PIERCE1: variants seen among roughly 807,000 people sequenced by gnomAD.
PIERCE1 encodes the protein piercer of microtubule wall 1 protein.
the PIERCE1 span, chr9:135,495,493 G>A: frequency 6.2e-7 from 1 of 1,614,124 alleles, no homozygotes; most frequent in Non-Finnish European, 8.5e-7. Context: ...CACAGGAGGT[G>A]ATGCAGTTAT....
At chr9:135,495,272 C>T in the PIERCE1 span, 6 of 675,696 alleles carry the variant, frequency 8.9e-6, no homozygotes, top group East Asian at 2.7e-5. Context: ...TTCACGGCCC[C>T]GTTTGCATAT....
the PIERCE1 span, chr9:135,495,602 G>A: frequency 6.2e-7 from 1 of 1,613,358 alleles, no homozygotes; most frequent in East Asian, 2.2e-5. Flanking sequence ...ATTCGAATTT[G>A]GATAAAATAC....
chr9:135,496,043 G>C, the PIERCE1 span, among the ~76,000 whole-genome samples: 1 of 152,232 alleles, frequency 6.6e-6, no homozygotes, highest in African/African-American at 2.4e-5. Context: ...GGCTGGGTGC[G>C]GTGGCTCACG....
the PIERCE1 span, among the ~76,000 whole-genome samples, chr9:135,497,779 C>G: frequency 6.6e-6 from 1 of 152,180 alleles, no homozygotes; most frequent in Non-Finnish European, 1.5e-5. Context: ...TCAGGGTCGT[C>G]TGATTACGGG....
the PIERCE1 span, chr9:135,495,200 T>A: frequency 8.0e-5 from 39 of 484,970 alleles, no homozygotes; most frequent in Non-Finnish European, 1.1e-4. Context: ...GACAACGTTT[T>A]TAATGCAAAG....
chr9:135,498,984 A>G, the PIERCE1 span: 3 of 340,770 alleles, frequency 8.8e-6, no homozygotes. The surrounding 1 kb of genome is among the most constrained non-coding windows in gnomAD (Gnocchi z 4.1). Context: ...TTTCTGGGTA[A>G]CCTAGCTTGT....
the PIERCE1 span, chr9:135,498,847 C>T: frequency 1.7e-6 from 1 of 604,500 alleles, no homozygotes; most frequent in Non-Finnish European, 3.0e-6. The surrounding 1 kb of genome is among the most constrained non-coding windows in gnomAD (Gnocchi z 4.1). Context: ...TTCTGAATGG[C>T]CCGGCCTCCC....
At chr9:135,496,794 A>ATT in the PIERCE1 span, among the ~76,000 whole-genome samples, 56,432 of 122,530 alleles carry the variant, frequency 0.46, 13,366 homozygotes, top group East Asian at 0.5. Flanking sequence ...CCTTCAGTGC[A>ATT]TTTTTTTTTT....
chr9:135,496,182 T>C, the PIERCE1 span, among the ~76,000 whole-genome samples: 1 of 152,142 alleles, frequency 6.6e-6, no homozygotes, highest in African/African-American at 2.4e-5. Flanking sequence ...CCAGGTGTGG[T>C]GGCGGGCGCA....
chr9:135,499,468 C>G, the PIERCE1 span: 1 of 706,456 alleles, frequency 1.4e-6, no homozygotes, highest in Admixed American at 2.0e-5. Flanking sequence ...GGAGCTGAGA[C>G]CACAACTGGG....
the PIERCE1 span, chr9:135,498,553 G>T: frequency 6.2e-7 from 1 of 1,603,450 alleles, no homozygotes; most frequent in Non-Finnish European, 8.5e-7. This position sits in a 1 kb window ranked among gnomAD's most constrained non-coding sequence, Gnocchi z 4.1. Context: ...CCCACCCCCT[G>T]CCCCCCATGC....
chr9:135,499,612 T>C, the PIERCE1 span: 1 of 1,472,488 alleles, frequency 6.8e-7, no homozygotes, highest in South Asian at 1.2e-5. Flanking sequence ...ATCTTCTTGA[T>C]TTCTGTAGCT....
the PIERCE1 span, chr9:135,499,658 G>C: frequency 1.9e-6 from 3 of 1,594,404 alleles, no homozygotes; most frequent in African/African-American, 2.7e-5. Context: ...TCTCACACAC[G>C]GGGCTATCGA....
the PIERCE1 span, among the ~76,000 whole-genome samples, chr9:135,496,676 G>A: frequency 5.3e-5 from 8 of 152,094 alleles, no homozygotes; most frequent in African/African-American, 1.2e-4. Flanking sequence ...CACTTTTTAC[G>A]GTGGAGCCAG....
At chr9:135,497,308 C>T in the PIERCE1 span, among the ~76,000 whole-genome samples, 10 of 152,198 alleles carry the variant, frequency 6.6e-5, no homozygotes, top group South Asian at 6.2e-4. Flanking sequence ...CCTGAAGGCT[C>T]CTACCATTTA....
At chr9:135,495,746 C>T in the PIERCE1 span, 1 of 764,662 alleles carries the variant, frequency 1.3e-6, no homozygotes, top group African/African-American at 1.8e-5. Flanking sequence ...TGGCCTGGCT[C>T]ACCCCAGACC....
At chr9:135,497,914 GAAAA>G in the PIERCE1 span, among the ~76,000 whole-genome samples, 10 of 152,270 alleles carry the variant, frequency 6.6e-5, no homozygotes, top group East Asian at 1.9e-3. Context: ...CTTTGACAAC[GAAAA>G]TACGTCCACA....
the PIERCE1 span, among the ~76,000 whole-genome samples, chr9:135,496,764 AG>A: frequency 0.032 from 4,735 of 149,776 alleles, 282 homozygotes; most frequent in African/African-American, 0.11. Flanking sequence ...CCGCCCATGC[AG>A]TATCATGGAG....
the PIERCE1 span, chr9:135,495,580 T>C: frequency 1.2e-6 from 2 of 1,613,700 alleles, no homozygotes; most frequent in East Asian, 4.5e-5. Flanking sequence ...CTGCAAGTTG[T>C]TGGGAAAATT....
Sources: allele counts gnomAD v4.1 joint callset (sites outside exome capture counted in the v4.1 genomes callset), GRCh38; gene constraint gnomAD v4.1.1; non-coding constraint Gnocchi (gnomAD v3.1); transcripts MANE v1.5; gene names NCBI Gene and HGNC (gene_info 2026-07-23, HGNC 2026-07-21).